Variants in PAPOLG observed in about 807,000 individuals in gnomAD.
PAPOLG encodes the protein PAP-gamma.
PAPOLG carries 40 observed loss-of-function variants against 99.0 expected under a neutral mutation model. That is an observed-to-expected ratio of 0.40 (90% CI 0.31 to 0.53). The LOEUF (loss-of-function observed/expected upper bound fraction) is 0.53, where lower values mean the gene tolerates loss of function less well. PAPOLG is among the 20% of genes least tolerant of loss of function. The probability of loss-of-function intolerance (pLI) is 0.41; values close to 1 mark genes in which losing one functional copy is unlikely to be tolerated. For missense variants in PAPOLG, 675 were observed against 884.1 expected, an observed-to-expected ratio of 0.76 and a Z score of 3.00; for synonymous variants, 310 against 299.3, an observed-to-expected ratio of 1.04 and a Z score of -0.37.
rs1671815835 is a variant in PAPOLG at position 60,800,391 on chromosome 2, CA to C, written c.*3232del. ...AGAAATGGGATTTCACCATGTTGGC[CA>C]GGGTGGTCTTGAACTCCTCACCTCA... On this transcript the variant is annotated 3_prime_UTR_variant, in exon 22 of 22. Transcript: ENST00000238714. 1 of 152,232 alleles carries C rather than the reference CA, an allele frequency of 6.6e-6. No individual in the cohort carries two copies. Among genetic ancestry groups the C allele is most frequent in the African/African-American group, 2.4e-5 (1 of 41,430 alleles). 9.4% of individuals were successfully genotyped at this position (152,232 alleles called of 1,614,324 possible). A position where few individuals can be genotyped will look rare whatever the true frequency, so the allele number is the denominator to read the frequency against.
chr2:60,770,170 A>G (rs1447335749), intron 5 of PAPOLG, among the ~76,000 whole-genome samples: 1 of 152,228 alleles, frequency 6.6e-6, no homozygotes, highest in Non-Finnish European at 1.5e-5. Context: ...GGGATAATAA[A>G]TTAGATACTG....
chr2:60,794,835 A>C, intron 20 of PAPOLG, 60 bp downstream of exon 20: 1 of 1,541,006 alleles, frequency 6.5e-7, no homozygotes, highest in Non-Finnish European at 8.9e-7. Flanking sequence ...TATCAGGAAA[A>C]GTGCCATATT....
intron 13 of PAPOLG, among the ~76,000 whole-genome samples, chr2:60,785,069 A>C (rs762504674): frequency 1.3e-5 from 2 of 152,234 alleles, no homozygotes; most frequent in Non-Finnish European, 2.9e-5. Context: ...TAGAAATAAA[A>C]TTGCAGAAAT....
At position 60,787,633 on chromosome 2, in the gene PAPOLG, C is replaced by A; in HGVS notation, c.1396+13C>A. On this transcript the variant is annotated intron_variant, in intron 15 of 21. Coordinates refer to ENST00000238714, the MANE Select transcript of PAPOLG (RefSeq NM_022894.4). ...TTTACTGATACAGGTAAGACTCCAT[C>A]ATCATAGAGCTGTGATTCTCAAACC... 6.2e-7 allele frequency: 1 copy of A among 1,610,626 alleles called. No homozygotes were observed. Among genetic ancestry groups the A allele is most frequent in the Non-Finnish European group, 8.5e-7 (1 of 1,178,372 alleles).
intron 7 of PAPOLG, among the ~76,000 whole-genome samples, chr2:60,772,022 G>A (rs1267843540): frequency 6.6e-6 from 1 of 151,036 alleles, no homozygotes; most frequent in Non-Finnish European, 1.5e-5. Flanking sequence ...ACTTTTGTGT[G>A]TGAAGAATGG....
intron 1 of PAPOLG, among the ~76,000 whole-genome samples, 199 bp from the exon 2 acceptor site, chr2:60,759,935 A>C (rs1423914921): frequency 1.3e-5 from 2 of 152,246 alleles, no homozygotes; most frequent in Non-Finnish European, 2.9e-5. Flanking sequence ...TGAAAGCTGC[A>C]GGCAGTATGA....
chr2:60,777,253 C>A (rs375222608), intron 8 of PAPOLG, among the ~76,000 whole-genome samples: 2 of 152,032 alleles, frequency 1.3e-5, no homozygotes, highest in African/African-American at 4.8e-5. Flanking sequence ...CAGGAGAGTT[C>A]GAGATCAGCC....
chr2:60,776,368 C>G (rs1821183), intron 8 of PAPOLG, among the ~76,000 whole-genome samples: 20,621 of 149,026 alleles, frequency 0.14, 1,737 homozygotes, highest in Middle Eastern at 0.2. Context: ...GAGTGAGCAT[C>G]ATTCTTAAGG....
chr2:60,763,146 A>C (rs1670572794), intron 3 of PAPOLG, among the ~76,000 whole-genome samples: 1 of 151,172 alleles, frequency 6.6e-6, no homozygotes, highest in Admixed American at 6.6e-5. Context: ...ACAGTTACAT[A>C]GCTCACTGCA....
At chr2:60,763,261 T>G (rs1670575907) in intron 3 of PAPOLG, among the ~76,000 whole-genome samples, 1 of 151,948 alleles carries the variant, frequency 6.6e-6, no homozygotes, top group African/African-American at 2.4e-5. Context: ...TATTATTTTT[T>G]GTAGACACAA....
At chr2:60,787,658 C>T (rs1313569296) in intron 15 of PAPOLG, 38 bp downstream of exon 15, 1 of 1,601,232 alleles carries the variant, frequency 6.2e-7, no homozygotes, top group East Asian at 2.3e-5. Flanking sequence ...ATTCTCAAAC[C>T]TGGCTATTAC....
chr2:60,795,823 G>C (rs866588278), intron 21 of PAPOLG, among the ~76,000 whole-genome samples: 1 of 152,036 alleles, frequency 6.6e-6, no homozygotes, highest in Non-Finnish European at 1.5e-5. Context: ...TGTAGATTTT[G>C]AGCCTTTAAC....
Position 60,794,991 on chromosome 2 carries a change from A to T in PAPOLG, c.2083A>T (p.Ile695Phe). 1 of 1,613,606 alleles carries T rather than the reference A, an allele frequency of 6.2e-7. No homozygotes were observed. Among genetic ancestry groups the T allele is most frequent in the Non-Finnish European group, 8.5e-7 (1 of 1,179,692 alleles). The change falls in exon 21 of 22, where the codon ATT becomes TTT. Residue 695 changes from isoleucine (I) to phenylalanine (F), a missense_variant. By Grantham distance (21) the Ile-to-Phe change is conservative (BLOSUM62 0). Transcript: ENST00000238714. ...VDAIGGESMP[I>F]PTIDTSRKKR... ...TGCCATTGGAGGAGAATCTATGCCT[A>T]TTCCAACTATTGATACATCACGCAA...
chr2:60,786,629 C>T (rs573831058), intron 13 of PAPOLG, among the ~76,000 whole-genome samples: 177 of 152,104 alleles, frequency 1.2e-3, no homozygotes, highest in African/African-American at 4.1e-3. Context: ...CCCAGTTTCA[C>T]GTGATTCTCC....
Position 60,781,975 on chromosome 2 carries a change from C to G in PAPOLG, c.997C>G (p.Arg333Gly), listed in dbSNP as rs1671202870. The change falls in exon 11 of 22, where the codon CGA becomes GGA. Residue 333 changes from arginine to glycine, a missense_variant. Physicochemically the swap from Arg to Gly is moderately radical, Grantham distance 125. Transcript: ENST00000238714. ...TACGTATAATGTGTCCACATCAACTCGAACAGTAATGGTAGAAGAATTTAA... is the reference window on the plus strand; with the variant it reads ...TACGTATAATGTGTCCACATCAACTGGAACAGTAATGGTAGAAGAATTTAA... ...NSTYNVSTST[R>G]TVMVEEFKQG... 6.2e-7 allele frequency: 1 copy of G among 1,613,718 alleles called. No individual in the cohort carries two copies.
intron 13 of PAPOLG, among the ~76,000 whole-genome samples, chr2:60,784,604 A>G (rs543515082): frequency 2.0e-5 from 3 of 152,206 alleles, no homozygotes; most frequent in Non-Finnish European, 4.4e-5. Context: ...TCCTTATTTC[A>G]TTGGTAATTA....
At chr2:60,787,420 C>T (rs1272444955) in intron 14 of PAPOLG, 91 bp from the exon 15 acceptor site, 1 of 1,429,870 alleles carries the variant, frequency 7.0e-7, no homozygotes, top group Non-Finnish European at 9.4e-7. Flanking sequence ...GAGATAGAGA[C>T]ATAGAGACCA....
intron 17 of PAPOLG, 53 bp downstream of exon 17, chr2:60,792,342 G>C: frequency 6.7e-7 from 1 of 1,490,758 alleles, no homozygotes; most frequent in Non-Finnish European, 9.1e-7. Context: ...GTTTATTTGA[G>C]GATAATGTGA....
Position 60,797,284 on chromosome 2 carries a change from A to G in PAPOLG, c.*124A>G. On this transcript the variant is annotated 3_prime_UTR_variant, in exon 22 of 22. Transcript: ENST00000238714. ...GGTGAAAGTGACAGCCTTCAGTCTA[A>G]TAACCTTGAAGTGGTTTTTGAACTG... The G allele has an allele frequency of 1.6e-6, 2 of 1,246,726 alleles. No homozygotes were observed. Among genetic ancestry groups the G allele is most frequent in the Non-Finnish European group, 1.1e-6 (1 of 885,456 alleles). 77.2% of individuals were successfully genotyped at this position (1,246,726 alleles called of 1,614,324 possible).
Sources: allele counts gnomAD v4.1 joint callset (sites outside exome capture counted in the v4.1 genomes callset), GRCh38; gene constraint gnomAD v4.1.1; transcripts MANE v1.5; gene names NCBI Gene and HGNC (gene_info 2026-07-23, HGNC 2026-07-21).